ATG10: variants seen among roughly 807,000 people sequenced by gnomAD.
ATG10 encodes the protein autophagy related 10.
Under a neutral mutation model 32.1 loss-of-function variants are expected in ATG10, and 30 were observed. The ratio of observed to expected loss-of-function variants is 0.94; its 90% confidence interval spans 0.70 to 1.27. The LOEUF (loss-of-function observed/expected upper bound fraction) is 1.27. Ranked by LOEUF, ATG10 falls within the 50% of genes most tolerant of loss-of-function variation. The pLI, the probability that ATG10 is intolerant of heterozygous loss-of-function variation, is 0.00. For synonymous variants in ATG10, 87 were observed against 91.5 expected, an observed-to-expected ratio of 0.95 and a Z score of 0.28; for missense variants, 233 against 262.3, an observed-to-expected ratio of 0.89 and a Z score of 0.77.
chr5:82,062,463 C>T (rs576682224), intron 3 of ATG10, among the ~76,000 whole-genome samples: 76 of 152,208 alleles, frequency 5.0e-4, no homozygotes, highest in Non-Finnish European at 9.6e-4. Flanking sequence ...GTATTGTAAC[C>T]TTGAGTAAAC....
chr5:82,161,408 T>C (rs1421865822), intron 3 of ATG10, among the ~76,000 whole-genome samples: 1 of 152,114 alleles, frequency 6.6e-6, no homozygotes. Context: ...TCTTATTTCT[T>C]GAGCCTCCTA....
At chr5:82,034,001 T>C (rs1170220696) in intron 2 of ATG10, among the ~76,000 whole-genome samples, 1 of 148,288 alleles carries the variant, frequency 6.7e-6, no homozygotes, top group Non-Finnish European at 1.5e-5. Flanking sequence ...AGTATATATG[T>C]ATATATGTAC....
At chr5:82,248,378 T>A (rs2150027524) in intron 5 of ATG10, among the ~76,000 whole-genome samples, 1 of 152,346 alleles carries the variant, frequency 6.6e-6, no homozygotes, top group African/African-American at 2.4e-5. Context: ...GGCCAGCCCC[T>A]CTGGCTACAC....
chr5:82,208,070 A>C (rs1305442718), intron 5 of ATG10, among the ~76,000 whole-genome samples: 5 of 152,204 alleles, frequency 3.3e-5, no homozygotes, highest in Non-Finnish European at 4.4e-5. Context: ...AGCACTATTT[A>C]TGAAAAAGAT....
chr5:82,153,518 C>G (rs760447554), intron 3 of ATG10, among the ~76,000 whole-genome samples: 6 of 152,058 alleles, frequency 3.9e-5, no homozygotes, highest in Non-Finnish European at 8.8e-5. Flanking sequence ...ATTAGGCAAT[C>G]TGGTAAACTT....
At chr5:82,067,192 T>G (rs2149762512) in intron 3 of ATG10, among the ~76,000 whole-genome samples, 1 of 152,276 alleles carries the variant, frequency 6.6e-6, no homozygotes, top group African/African-American at 2.4e-5. Flanking sequence ...AAATGTAATT[T>G]AATTTAAAGT....
intron 1 of ATG10, 95 bp from the exon 2 acceptor site, chr5:81,987,464 C>A: frequency 2.2e-6 from 2 of 905,234 alleles, no homozygotes; most frequent in Non-Finnish European, 3.3e-6. Context: ...TTCTACATCC[C>A]AAATTTTGGT....
chr5:82,110,034 G>A (rs893153045), intron 3 of ATG10, among the ~76,000 whole-genome samples: 4 of 148,504 alleles, frequency 2.7e-5, no homozygotes, highest in Non-Finnish European at 5.9e-5. Flanking sequence ...CCACCTATGC[G>A]TGAGAACATG....
rs114028134 is a variant in ATG10 at position 82,095,435 on chromosome 5, T to C, written c.216+36833T>C. On this transcript the variant is annotated intron_variant, in intron 3 of 7. Coordinates refer to ENST00000282185, the MANE Select transcript of ATG10 (RefSeq NM_031482.5). The stretch of plus-strand genomic sequence containing the variant: ...ATTGTTTTACATGGGGGAATAAGAA[T>C]AGTTTTTACCAGGCATAAAATCCAC... 7.5e-3 allele frequency among the ~76,000 whole-genome samples: 1,148 copies of C among 152,260 alleles called. 10 individuals are homozygous for C. The highest frequency in any genetic ancestry group is 0.024 in the African/African-American group (983 of 41,568).
At chr5:82,201,711 A>C (rs1745075799) in intron 5 of ATG10, among the ~76,000 whole-genome samples, 1 of 152,110 alleles carries the variant, frequency 6.6e-6, no homozygotes, top group Admixed American at 6.5e-5. Flanking sequence ...ATTGTGTTGG[A>C]TCTGTGGGTT....
At chr5:82,054,385 T>C (rs1480834037) in intron 2 of ATG10, among the ~76,000 whole-genome samples, 1 of 152,172 alleles carries the variant, frequency 6.6e-6, no homozygotes, top group Non-Finnish European at 1.5e-5. Context: ...ATTCTGCCTG[T>C]CTGTCTTAAT....
chr5:81,987,232 C>G (rs1442466553), intron 1 of ATG10, among the ~76,000 whole-genome samples: 1 of 152,132 alleles, frequency 6.6e-6, no homozygotes, highest in Non-Finnish European at 1.5e-5. Flanking sequence ...AAGTGATCCT[C>G]CTGCCTCAGC....
At chr5:82,073,956 A>G (rs1764200791) in intron 3 of ATG10, among the ~76,000 whole-genome samples, 1 of 152,224 alleles carries the variant, frequency 6.6e-6, no homozygotes, top group Non-Finnish European at 1.5e-5. Context: ...TGACAAAACT[A>G]GAAAACAAAA....
At chr5:82,167,422 A>G (rs1435115676) in intron 4 of ATG10, among the ~76,000 whole-genome samples, 1 of 152,232 alleles carries the variant, frequency 6.6e-6, no homozygotes, top group Non-Finnish European at 1.5e-5. Flanking sequence ...GTGGCACAGC[A>G]TCAAGTATTT....
intron 5 of ATG10, among the ~76,000 whole-genome samples, chr5:82,182,877 G>T (rs1478282244): frequency 6.6e-6 from 1 of 152,016 alleles, no homozygotes; most frequent in Non-Finnish European, 1.5e-5. Flanking sequence ...CTGGATAAAG[G>T]ATATGAGATA....
intron 1 of ATG10, among the ~76,000 whole-genome samples, chr5:81,973,779 A>T (rs902101579): frequency 7.2e-5 from 11 of 152,240 alleles, no homozygotes; most frequent in African/African-American, 1.2e-4. Flanking sequence ...ACCAAAAAAT[A>T]AATCCTGAGT....
chr5:82,197,716 T>A (rs868491299), intron 5 of ATG10, among the ~76,000 whole-genome samples: 3 of 142,070 alleles, frequency 2.1e-5, no homozygotes, highest in African/African-American at 5.2e-5. Flanking sequence ...CTTTCTTTCT[T>A]TCTTTCTATC....
chr5:81,989,384 G>T (rs1021205533), intron 2 of ATG10, among the ~76,000 whole-genome samples: 4 of 152,040 alleles, frequency 2.6e-5, no homozygotes, highest in African/African-American at 9.7e-5. Context: ...TTTCCTCTTG[G>T]GTCATGTGCA....
At chr5:82,238,934 C>A (rs1746678133) in intron 5 of ATG10, among the ~76,000 whole-genome samples, 1 of 152,044 alleles carries the variant, frequency 6.6e-6, no homozygotes. Flanking sequence ...CATCAATTTT[C>A]CACAATGGTA....
Sources: allele counts gnomAD v4.1 joint callset (sites outside exome capture counted in the v4.1 genomes callset), GRCh38; gene constraint gnomAD v4.1.1; transcripts MANE v1.5; gene names NCBI Gene and HGNC (gene_info 2026-07-23, HGNC 2026-07-21).